Variants in RPS6KA2 observed in about 807,000 individuals in gnomAD.
RPS6KA2 encodes ribosomal protein S6 kinase alpha-2.
In RPS6KA2, 42 loss-of-function variants were observed where a neutral mutation model predicts 91.8. That is an observed-to-expected ratio of 0.46 (90% CI 0.36 to 0.59). The LOEUF (loss-of-function observed/expected upper bound fraction) is 0.59. Ranked by LOEUF, RPS6KA2 falls within the 20% of genes least tolerant of loss-of-function variation. The probability of loss-of-function intolerance (pLI) is 0.00; values close to 1 mark genes in which losing one functional copy is unlikely to be tolerated. For missense variants in RPS6KA2, 798 were observed against 978.5 expected (o/e 0.82, Z 2.46); for synonymous variants, 414 against 393.6 (o/e 1.05, Z -0.61).
At chr6:166,517,306 G>A (rs1045686541) in intron 3 of RPS6KA2, among the ~76,000 whole-genome samples, 3 of 152,142 alleles carry the variant, frequency 2.0e-5, no homozygotes, top group Non-Finnish European at 2.9e-5. Context: ...ACAAGCCTAA[G>A]TGTTGGGAAC....
chr6:166,748,639 TCCC>T (rs2128596869), intron 2 of RPS6KA2, among the ~76,000 whole-genome samples: 1 of 47,660 alleles, frequency 2.1e-5, no homozygotes, highest in South Asian at 9.8e-4. Flanking sequence ...CAGGCCCCCA[TCCC>T]CTTGGGCCCC....
chr6:166,535,090 G>C (rs1400604229), intron 2 of RPS6KA2, among the ~76,000 whole-genome samples: 1 of 152,194 alleles, frequency 6.6e-6, no homozygotes, highest in Admixed American at 6.5e-5. Flanking sequence ...CGCAGGCACT[G>C]TGTCTTTAAT....
intron 1 of RPS6KA2, among the ~76,000 whole-genome samples, chr6:166,604,684 CCTGATGT>C (rs1173068566): frequency 1.3e-5 from 2 of 152,188 alleles, no homozygotes; most frequent in African/African-American, 4.8e-5. Context: ...ACATGGGGCG[CCTGATGT>C]CTGGAGCAGC....
chr6:166,470,580 A>G (rs1348412392), intron 10 of RPS6KA2, among the ~76,000 whole-genome samples: 2 of 152,170 alleles, frequency 1.3e-5, no homozygotes, highest in African/African-American at 2.4e-5. Flanking sequence ...GAGTAGGCGG[A>G]GCGCTGGGGG....
chr6:166,745,286 G>A (rs1790965912), intron 2 of RPS6KA2, among the ~76,000 whole-genome samples: 1 of 151,942 alleles, frequency 6.6e-6, no homozygotes, highest in Non-Finnish European at 1.5e-5. Flanking sequence ...TGAGTAGCTG[G>A]GATTTCAGGT....
rs1285091822 is a variant in RPS6KA2, at chr6:166,852,194, C to T, written c.123+6006G>A. ...AGAGAAACAGTAAGAAATACAAATG[C>T]AAATAGACTGCCATCATGGTGACTT... On this transcript the variant is annotated intron_variant, in intron 2 of 21. Coordinates refer to the RPS6KA2 transcript ENST00000503859. The surrounding 1 kb of genome is among the most constrained non-coding windows in gnomAD (Gnocchi z 4.1). Among the ~76,000 whole-genome samples, 1 of 152,160 alleles carries T rather than the reference C, an allele frequency of 6.6e-6. No individual in the cohort carries two copies. Among genetic ancestry groups the T allele is most frequent in the Non-Finnish European group, 1.5e-5 (1 of 68,036 alleles).
chr6:166,481,152 G>T (rs1781200961), intron 10 of RPS6KA2, among the ~76,000 whole-genome samples: 1 of 152,210 alleles, frequency 6.6e-6, no homozygotes, highest in Admixed American at 6.5e-5. Context: ...AAGTATAAAA[G>T]AATTGAGTTG....
At position 166,448,697 on chromosome 6, in the gene RPS6KA2, C is replaced by T; in HGVS notation, c.1332+27G>A. ...CCCACGCGCTGCACTCACACAGGGCCCTGCTCACTCAGCAGGCCTGCCTTA... is the reference window on the plus strand; with the variant it reads ...CCCACGCGCTGCACTCACACAGGGCTCTGCTCACTCAGCAGGCCTGCCTTA... On this transcript the variant is annotated intron_variant, in intron 14 of 20. Coordinates refer to ENST00000265678, the MANE Select transcript of RPS6KA2 (RefSeq NM_021135.6). The surrounding 1 kb of genome is among the most constrained non-coding windows in gnomAD (Gnocchi z 4.7). The T allele has an allele frequency of 1.3e-6, 2 of 1,595,746 alleles. No homozygotes were observed. Among genetic ancestry groups the T allele is most frequent in the Admixed American group, 1.8e-5 (1 of 57,100 alleles).
intron 2 of RPS6KA2, among the ~76,000 whole-genome samples, chr6:166,649,038 G>T (rs1318799112): frequency 2.0e-5 from 3 of 152,120 alleles, no homozygotes; most frequent in Non-Finnish European, 4.4e-5. Flanking sequence ...CCACTGCTCT[G>T]CCCTTCAATC....
chr6:166,522,899 C>G (rs1782907701), intron 3 of RPS6KA2, among the ~76,000 whole-genome samples: 1 of 152,122 alleles, frequency 6.6e-6, no homozygotes, highest in African/African-American at 2.4e-5. Flanking sequence ...GGCATGACTC[C>G]CCAACAGGTG....
intron 16 of RPS6KA2, among the ~76,000 whole-genome samples, chr6:166,427,920 T>C (rs1778983083): frequency 6.6e-6 from 1 of 152,136 alleles, no homozygotes. Context: ...AAGCTACCAA[T>C]GACTTTCTTC....
chr6:166,480,514 T>TATATATATATATATATAAAA (rs1554279395), intron 10 of RPS6KA2, among the ~76,000 whole-genome samples: 9 of 110,754 alleles, frequency 8.1e-5, no homozygotes, highest in African/African-American at 3.1e-4. Flanking sequence ...TATATATATA[T>TATATATATATATATATAAAA]AATATATTTT....
At chr6:166,670,406 T>C (rs1374643797) in intron 2 of RPS6KA2, among the ~76,000 whole-genome samples, 1 of 152,246 alleles carries the variant, frequency 6.6e-6, no homozygotes, top group Non-Finnish European at 1.5e-5. Context: ...GCCACACTTC[T>C]GCCCCCACAG....
chr6:166,688,074 G>T (rs1282833911), intron 2 of RPS6KA2, among the ~76,000 whole-genome samples: 1 of 152,140 alleles, frequency 6.6e-6, no homozygotes, highest in Non-Finnish European at 1.5e-5. Context: ...CAAAAGGCAG[G>T]AGGAGGGAGA....
At chr6:166,529,943 C>T (rs954588503) in intron 3 of RPS6KA2, among the ~76,000 whole-genome samples, 2 of 152,208 alleles carry the variant, frequency 1.3e-5, no homozygotes, top group African/African-American at 4.8e-5. Context: ...GTCCCACGGA[C>T]CTTCTAACTC....
intron 2 of RPS6KA2, among the ~76,000 whole-genome samples, chr6:166,644,639 G>A (rs9347141): frequency 0.33 from 50,879 of 152,010 alleles, 8,906 homozygotes; most frequent in African/African-American, 0.44. Flanking sequence ...ATATTAAAAA[G>A]TAAAGAGAGA....
intron 2 of RPS6KA2, among the ~76,000 whole-genome samples, chr6:166,792,875 G>T (rs543514015): frequency 8.6e-5 from 13 of 151,656 alleles, no homozygotes; most frequent in African/African-American, 3.2e-4. Context: ...AAAGCTATTT[G>T]TGACACACCC....
chr6:166,505,513 G>A (rs1288922412), intron 5 of RPS6KA2, among the ~76,000 whole-genome samples: 1 of 152,226 alleles, frequency 6.6e-6, no homozygotes, highest in Non-Finnish European at 1.5e-5. Flanking sequence ...CAATGTTATG[G>A]AGACTACAAG....
At chr6:166,830,134 AAAAAAAAGAAAG>A (rs1243392216) in intron 2 of RPS6KA2, among the ~76,000 whole-genome samples, 14 of 106,170 alleles carry the variant, frequency 1.3e-4, no homozygotes, top group South Asian at 1.0e-3. Flanking sequence ...TCAAAAAAAA[AAAAAAAAGAAAG>A]AAAGAAAGAA....
Sources: allele counts gnomAD v4.1 joint callset (sites outside exome capture counted in the v4.1 genomes callset), GRCh38; gene constraint gnomAD v4.1.1; non-coding constraint Gnocchi (gnomAD v3.1); transcripts MANE v1.5; gene names NCBI Gene and HGNC (gene_info 2026-07-23, HGNC 2026-07-21).